DEFB112: variants seen among roughly 807,000 people sequenced by gnomAD.
The protein encoded by DEFB112 is defensin beta 112.
In DEFB112, 2 loss-of-function variants were observed where a neutral mutation model predicts 1.1. That is an observed-to-expected ratio of 1.85 (90% CI 0.76 to 5.83). The LOEUF is 5.83. Ranked by LOEUF, DEFB112 falls within the 30% of genes most tolerant of loss-of-function variation. The pLI is 0.05. For synonymous variants in DEFB112, 40 were observed against 31.2 expected (o/e 1.28, Z -0.93); for missense variants, 120 against 94.4 (o/e 1.27, Z -1.12).
intron 1 of DEFB112, among the ~76,000 whole-genome samples, chr6:50,049,419 G>A (rs1377820459): frequency 6.6e-6 from 1 of 152,092 alleles, no homozygotes; most frequent in Non-Finnish European, 1.5e-5. Flanking sequence ...AAATATCACT[G>A]TGGGGATCAA....
chr6:50,045,499 C>G (rs1270698086), intron 1 of DEFB112, among the ~76,000 whole-genome samples: 1 of 152,028 alleles, frequency 6.6e-6, no homozygotes, highest in Non-Finnish European at 1.5e-5. Context: ...TGCTTTTGAA[C>G]ATGTATACAC....
chr6:50,048,688 G>C, intron 1 of DEFB112: 1 of 1,467,170 alleles, frequency 6.8e-7, no homozygotes, highest in Non-Finnish European at 9.4e-7. Flanking sequence ...TCACTGTAAA[G>C]TGAAAAAATT....
chr6:50,048,302 G>A (rs1205562446), intron 1 of DEFB112, among the ~76,000 whole-genome samples: 1 of 152,096 alleles, frequency 6.6e-6, no homozygotes, highest in African/African-American at 2.4e-5. Flanking sequence ...AATGATAAAA[G>A]GACATTTGTC....
At chr6:50,048,776 T>TG in intron 1 of DEFB112, 1 of 618,160 alleles carries the variant, frequency 1.6e-6, no homozygotes, top group South Asian at 2.2e-5. Context: ...GTCCTATATA[T>TG]TATAAAAGGT....
chr6:50,049,060 G>A (rs972573715), intron 1 of DEFB112, among the ~76,000 whole-genome samples: 21 of 152,106 alleles, frequency 1.4e-4, no homozygotes, highest in African/African-American at 4.8e-4. Flanking sequence ...TTATAAAGAA[G>A]AAAAATTATT....
At chr6:50,046,075 TGTAAG>T (rs1261233311) in intron 1 of DEFB112, among the ~76,000 whole-genome samples, 3 of 152,116 alleles carry the variant, frequency 2.0e-5, no homozygotes, top group African/African-American at 7.2e-5. Context: ...TGTAGGCTAA[TGTAAG>T]TATTCTGAGC....
At chr6:50,046,423 C>A (rs1774835451) in intron 1 of DEFB112, among the ~76,000 whole-genome samples, 1 of 152,056 alleles carries the variant, frequency 6.6e-6, no homozygotes, top group Non-Finnish European at 1.5e-5. Context: ...TTATTTGCTA[C>A]AGGGAGAATT....
rs1774779202 is a variant in DEFB112, at chr6:50,043,500, A to G, written c.*75T>C. 9.1e-7 allele frequency: 1 copy of G among 1,100,818 alleles called. No individual in the cohort carries two copies. The allele number at this position is 1,100,818 out of a possible 1,614,324, so 68.2% of individuals were successfully genotyped here. On this transcript the variant is annotated 3_prime_UTR_variant, in exon 2 of 2. Transcript: ENST00000651554. ...TTATAGGTATGCATGCATGGAAATT[A>G]TAGGTCATTAATGAAGTGATGAAAT...
intron 1 of DEFB112, among the ~76,000 whole-genome samples, chr6:50,047,361 T>C (rs1166531942): frequency 2.0e-5 from 3 of 152,192 alleles, no homozygotes; most frequent in Non-Finnish European, 4.4e-5. Flanking sequence ...GGTCCAAGGC[T>C]AATTTCTATG....
At chr6:50,048,715 GA>G in intron 1 of DEFB112, 1 of 1,176,510 alleles carries the variant, frequency 8.5e-7, no homozygotes, top group Non-Finnish European at 1.2e-6. Context: ...AAAGTAGGAG[GA>G]AAAATATTTT....
chr6:50,049,310 C>A (rs1774889594), intron 1 of DEFB112, among the ~76,000 whole-genome samples: 1 of 152,016 alleles, frequency 6.6e-6, no homozygotes, highest in South Asian at 2.1e-4. Context: ...GAGAATTTAA[C>A]TGGAAGTGAG....
In DEFB112 at chr6:50,043,589, C is replaced by T; in HGVS notation, c.271G>A (p.Asp91Asn). 1 of 1,612,896 alleles carries T rather than the reference C, an allele frequency of 6.2e-7. No individual in the cohort carries two copies. The highest frequency in any genetic ancestry group is 1.1e-5 in the South Asian group (1 of 91,008). The change falls in exon 2 of 2, where the codon GAC becomes AAC. Residue 91 changes from aspartate (D) to asparagine (N), a missense_variant. Physicochemically the swap from Asp to Asn is conservative, Grantham distance 23. Coordinates refer to ENST00000651554, the MANE Select transcript of DEFB112 (RefSeq NM_001369057.2). ...CATGGATTTCTTCAATGACGTGAGT[C>T]TTTAGGGTACCATTCTTGAGTCCCT... ...SVGTQEWYPK[D>N]SRH
intron 1 of DEFB112, among the ~76,000 whole-genome samples, chr6:50,045,491 C>T (rs767146297): frequency 6.6e-6 from 1 of 151,976 alleles, no homozygotes; most frequent in Non-Finnish European, 1.5e-5. Flanking sequence ...TTTATGCCTG[C>T]TTTTGAACAT....
At position 50,042,850 on chromosome 6, in the gene DEFB112, A is replaced by G. The variant is rs1774767006; in HGVS notation, c.*725T>C. Among the ~76,000 whole-genome samples, 1 of 152,028 alleles carries G rather than the reference A, an allele frequency of 6.6e-6. No individual in the cohort carries two copies. Among genetic ancestry groups the G allele is most frequent in the African/African-American group, 2.4e-5 (1 of 41,416 alleles). The stretch of plus-strand genomic sequence containing the variant: ...TTACATTATTTTTTAAAAACTTAAA[A>G]TTTACTAAGACACCAATAAGTAGCA... On this transcript the variant is annotated 3_prime_UTR_variant, in exon 2 of 2. Coordinates refer to ENST00000651554, the MANE Select transcript of DEFB112 (RefSeq NM_001369057.2).
Position 50,044,627 on chromosome 6 carries a change from C to T in DEFB112, c.59-826G>A, listed in dbSNP as rs558829647. 2.6e-5 allele frequency among the ~76,000 whole-genome samples: 4 copies of T among 152,074 alleles called. 1 individual carries two copies. The highest frequency in any genetic ancestry group is 9.6e-5 in the African/African-American group (4 of 41,524). On this transcript the variant is annotated intron_variant, in intron 1 of 1. Transcript: ENST00000651554. ...AGATATTCATTTATTCTCTGTATCT[C>T]CACAGATACATAGCACATATCACTG...
intron 1 of DEFB112, among the ~76,000 whole-genome samples, chr6:50,046,750 C>T (rs1425558899): frequency 3.3e-5 from 5 of 152,216 alleles, no homozygotes; most frequent in Non-Finnish European, 7.4e-5. Flanking sequence ...GTATTCTACT[C>T]TATGACTCTA....
chr6:50,043,756 C>T lies in DEFB112; in HGVS notation c.104G>A (p.Cys35Tyr), dbSNP rs1774787253. ...HHITFSRWKS[C>Y]TAIGGRCKNQ... ...TTTACATCGACCTCCAATCGCTGTA[C>T]ATGACTTCCACCTACTAAAGGTGAT... Residue 35 changes from cysteine (C) to tyrosine (Y), a missense_variant, in exon 2 of 2, where the codon TGT becomes TAT. Coordinates refer to ENST00000651554, the MANE Select transcript of DEFB112 (RefSeq NM_001369057.2). 8 of 1,613,488 alleles carry T rather than the reference C, an allele frequency of 5.0e-6. No individual in the cohort carries two copies. The highest frequency in any genetic ancestry group is 2.2e-5 in the South Asian group (2 of 91,066).
Position 50,043,658 on chromosome 6 carries a change from A to G in DEFB112, c.202T>C (p.Cys68Arg), listed in dbSNP as rs1428044423. 2 of 1,613,628 alleles carry G rather than the reference A, an allele frequency of 1.2e-6. No individual in the cohort carries two copies. Among genetic ancestry groups the G allele is most frequent in the Non-Finnish European group, 1.7e-6 (2 of 1,179,632 alleles). Reference protein sequence around the residue: ...RPTTHCCVTECDPTDPNNWIP... With the variant: ...RPTTHCCVTERDPTDPNNWIP... The stretch of plus-strand genomic sequence containing the variant: ...CAATTATTTGGGTCCGTAGGGTCAC[A>G]TTCTGTCACGCAGCAATGAGTTGTA... Residue 68 changes from cysteine to arginine, a missense_variant, in exon 2 of 2, where the codon TGT becomes CGT. Coordinates refer to ENST00000651554, the MANE Select transcript of DEFB112 (RefSeq NM_001369057.2).
intron 1 of DEFB112, among the ~76,000 whole-genome samples, chr6:50,048,828 C>T (rs1362361260): frequency 6.6e-6 from 1 of 151,858 alleles, no homozygotes; most frequent in Non-Finnish European, 1.5e-5. Flanking sequence ...TTTAAAAATC[C>T]AGTTAAATGA....
Sources: gnomAD v4.1 joint callset for allele counts (sites outside exome capture counted in the v4.1 genomes callset) on GRCh38, gnomAD v4.1.1 for gene constraint, MANE v1.5 for transcripts, NCBI Gene and HGNC (gene_info 2026-07-23, HGNC 2026-07-21) for gene names.